Variants in CHRNE observed in about 807,000 individuals in gnomAD.
CHRNE encodes cholinergic receptor nicotinic epsilon subunit, also known as acetylcholine receptor subunit epsilon.
A neutral mutation model predicts 56.5 loss-of-function variants in CHRNE; 58 were observed. That is an observed-to-expected ratio of 1.03 (90% CI 0.83 to 1.28). CHRNE has a LOEUF of 1.28. Ranked by LOEUF, CHRNE falls within the 50% of genes most tolerant of loss-of-function variation. The pLI, the probability that CHRNE is intolerant of heterozygous loss-of-function variation, is 0.00. For missense variants in CHRNE, 793 were observed against 688.9 expected (o/e 1.15, Z -1.69); for synonymous variants, 385 against 297.9 (o/e 1.29, Z -3.01).
chr17:4,898,919 A>G lies in CHRNE; in HGVS notation c.1327-28T>C, dbSNP rs1325459508. On this transcript the variant is annotated intron_variant, in intron 11 of 11. Transcript: ENST00000649488. ...GGGGAAGGGTCGGCACAGTCAGTAA[A>G]GAGGCAGCTGCAGGAGCCAGCGGCA... The G allele has an allele frequency of 1.9e-6, 3 of 1,569,068 alleles. No homozygotes were observed. In the African/African-American group the frequency reaches 4.0e-5, roughly 21 times the overall value.
At chr17:4,899,703 C>A in intron 8 of CHRNE, 121 bp from the exon 9 acceptor site, 1 of 1,492,528 alleles carries the variant, frequency 6.7e-7, no homozygotes. Context: ...CAGCTGCGCC[C>A]CCTACACGAC....
Position 4,902,080 on chromosome 17 carries a change from C to T in CHRNE, c.352G>A (p.Gly118Ser), listed in dbSNP as rs1368224286. 6.2e-7 allele frequency: 1 copy of T among 1,614,038 alleles called. No individual in the cohort carries two copies. The highest frequency in any genetic ancestry group is 8.5e-7 in the Non-Finnish European group (1 of 1,180,012). Reference sequence around the variant, plus strand: ...GCGTCGTAGGCCACTCCGAACTGGCCATCAATACTGTGGGCTCGGGGAAAC... The same window carrying T: ...GCGTCGTAGGCCACTCCGAACTGGCTATCAATACTGTGGGCTCGGGGAAAC... ...PEIVLENNID[G>S]QFGVAYDANV... Residue 118 changes from glycine to serine, a missense_variant, in exon 5 of 12, where the codon GGC becomes AGC. By Grantham distance (56) the Gly-to-Ser change is moderately conservative (BLOSUM62 0). Transcript: ENST00000649488. The surrounding 1 kb of genome is among the most constrained non-coding windows in gnomAD (Gnocchi z 4.0).
At position 4,898,720 on chromosome 17, in the gene CHRNE, T is replaced by G; in HGVS notation, c.*16A>C. ...TTTCCTACTGGAGATGGGTGGGAAA[T>G]TGAAGTCGGTGCGAGCTAAGGCTGG... On this transcript the variant is annotated 3_prime_UTR_variant, in exon 12 of 12. Coordinates refer to ENST00000649488, the MANE Select transcript of CHRNE (RefSeq NM_000080.4). The G allele has an allele frequency of 6.2e-7, 1 of 1,606,718 alleles. No individual in the cohort carries two copies. Among genetic ancestry groups the G allele is most frequent in the Non-Finnish European group, 8.5e-7 (1 of 1,177,156 alleles).
At chr17:4,899,624 A>G in intron 8 of CHRNE, 42 bp from the exon 9 acceptor site, 1 of 1,497,962 alleles carries the variant, frequency 6.7e-7, no homozygotes, top group Non-Finnish European at 9.1e-7. Context: ...TCCTCCTCCC[A>G]GCTACCGAAG....
In CHRNE at chr17:4,899,342, G is replaced by A. The variant is rs773187552; in HGVS notation, c.1075C>T (p.Pro359Ser). The A allele has an allele frequency of 1.8e-5, 28 of 1,544,976 alleles. No individual in the cohort carries two copies. Among genetic ancestry groups the A allele is most frequent in the Admixed American group, 1.2e-4 (6 of 50,620 alleles). Residue 359 changes from proline (P) to serine (S), a missense_variant, in exon 10 of 12, where the codon CCG (proline) becomes TCG (serine). Transcript: ENST00000649488. ...LLPRLLGSPP[P>S]PEAPRAASPP... Reference sequence around the variant, plus strand: ...GAGGCGGCCCGGGGGGCCTCGGGCGGCGGCGGGGAGCCCAGGAGGCGCGGC... The same window carrying A: ...GAGGCGGCCCGGGGGGCCTCGGGCGACGGCGGGGAGCCCAGGAGGCGCGGC...
At position 4,901,523 on chromosome 17, in the gene CHRNE, AC is replaced by A; in HGVS notation, c.601+1del. On this transcript the variant is annotated splice_donor_variant, in intron 6 of 11. Transcript: ENST00000649488. LOFTEE classifies it high-confidence loss of function. ...GTTTTTCTGAGCAGGCAGGGGCTTCACCAGTATAGGCCTCTGTGTCGATGTC... is the reference window on the plus strand; with the variant it reads ...GTTTTTCTGAGCAGGCAGGGGCTTCACAGTATAGGCCTCTGTGTCGATGTC... 1.2e-6 allele frequency: 2 copies of A among 1,613,900 alleles called. No homozygotes were observed. Among genetic ancestry groups the A allele is most frequent in the Non-Finnish European group, 1.7e-6 (2 of 1,179,792 alleles).
chr17:4,900,958 G>A (rs1597619045), intron 7 of CHRNE, 32 bp downstream of exon 7: 1 of 1,613,998 alleles, frequency 6.2e-7, no homozygotes, highest in East Asian at 2.2e-5. Flanking sequence ...AGCGAGCCCG[G>A]GTTTGGGGGT....
upstream of CHRNE, among the ~76,000 whole-genome samples, chr17:4,904,946 CTT>C (rs1970073044): frequency 6.6e-6 from 1 of 152,366 alleles, no homozygotes; most frequent in South Asian, 2.1e-4. Flanking sequence ...CAGCTTACCT[CTT>C]TGCATGTGGC....
upstream of CHRNE, among the ~76,000 whole-genome samples, chr17:4,903,841 T>A (rs532067891): frequency 1.3e-5 from 2 of 151,950 alleles, no homozygotes; most frequent in Non-Finnish European, 2.9e-5. Flanking sequence ...CCTTAATAGA[T>A]CCTTTTGATG....
rs773916039 is a variant in CHRNE at position 4,901,160 on chromosome 17, G to A, written c.632C>T (p.Pro211Leu). The A allele has an allele frequency of 3.7e-6, 6 of 1,609,076 alleles. No homozygotes were observed. In the South Asian group the frequency reaches 5.5e-5, roughly 15 times the overall value. The change falls in exon 7 of 12, where the codon CCG becomes CTG. Residue 211 changes from proline to leucine, a missense_variant. Pro to Leu is a moderately conservative substitution (Grantham distance 98). Coordinates refer to ENST00000649488, the MANE Select transcript of CHRNE (RefSeq NM_000080.4). ...ENGEWAIDFC[P>L]GVIRRHHGGA... The stretch of plus-strand genomic sequence containing the variant: ...ACCGTGGTGGCGGCGGATCACCCCC[G>A]GGCAGAAGTCGATGGCCCACTCGCC...
rs1416190592 is a variant in CHRNE at position 4,901,882 on chromosome 17, AG to A, written c.500+49del. ...GCTTCCCGGTTGGCCCCGCCCCATA[AG>A]GCCCCCCCCCAACAATAATCGTCCG... On this transcript the variant is annotated intron_variant, in intron 5 of 11. Coordinates refer to ENST00000649488, the MANE Select transcript of CHRNE (RefSeq NM_000080.4). 4.0e-6 allele frequency: 6 copies of A among 1,483,920 alleles called. No homozygotes were observed. The Admixed American group carries it at 1.0e-4, about 25-fold the overall frequency. 91.9% of individuals were successfully genotyped at this position (1,483,920 alleles called of 1,614,324 possible).
intron 7 of CHRNE, 27 bp from the exon 8 acceptor site, chr17:4,900,934 C>T (rs1244681035): frequency 1.2e-5 from 20 of 1,614,040 alleles, no homozygotes; most frequent in East Asian, 2.2e-5. Context: ...TGAGAGCGGG[C>T]CCCGCCTCCC....
At chr17:4,901,285 G>T in intron 6 of CHRNE, 95 bp from the exon 7 acceptor site, 1 of 1,401,836 alleles carries the variant, frequency 7.1e-7, no homozygotes, top group Non-Finnish European at 9.9e-7. Flanking sequence ...TCTGCACCAG[G>T]GTCATGGGCC....
Position 4,901,923 on chromosome 17 carries a change from T to A in CHRNE, c.500+9A>T, listed in dbSNP as rs774299652. On this transcript the variant is annotated intron_variant, in intron 5 of 11. Coordinates refer to ENST00000649488, the MANE Select transcript of CHRNE (RefSeq NM_000080.4). ...ATAATCGTCCGGGCCTCGGAGTAGCTCTTCCCACCGGAAAATAAGCGAACA... is the reference window on the plus strand; with the variant it reads ...ATAATCGTCCGGGCCTCGGAGTAGCACTTCCCACCGGAAAATAAGCGAACA... 9 of 1,434,104 alleles carry A rather than the reference T, an allele frequency of 6.3e-6. No individual in the cohort carries two copies. Among genetic ancestry groups the A allele is most frequent in the Non-Finnish European group, 8.5e-6 (9 of 1,060,664 alleles). 88.8% of individuals were successfully genotyped at this position (1,434,104 alleles called of 1,614,324 possible).
chr17:4,901,754 G>C, intron 5 of CHRNE, 129 bp from the exon 6 acceptor site: 1 of 1,233,016 alleles, frequency 8.1e-7, no homozygotes, highest in Non-Finnish European at 1.2e-6. Flanking sequence ...AGCCCAGCCC[G>C]CACGCCTCTG....
At position 4,902,267 on chromosome 17, in the gene CHRNE, C is replaced by G. The variant is rs776006666; in HGVS notation, c.294G>C (p.Leu98=). 6.2e-7 allele frequency: 1 copy of G among 1,614,160 alleles called. No homozygotes were observed. The highest frequency in any genetic ancestry group is 2.2e-5 in the East Asian group (1 of 44,862). ...SKDDFGGIET[L]RVPSELVWLP... Reference sequence around the variant, plus strand: ...GCCACACGAGTTCTGAAGGGACTCGCAGGGTTTCTATACCCCCAAAGTCGT... The same window carrying G: ...GCCACACGAGTTCTGAAGGGACTCGGAGGGTTTCTATACCCCCAAAGTCGT... Residue 98 remains leucine (L), a synonymous_variant, in exon 4 of 12, where the codon CTG becomes CTC. Coordinates refer to ENST00000649488, the MANE Select transcript of CHRNE (RefSeq NM_000080.4). This position sits in a 1 kb window ranked among gnomAD's most constrained non-coding sequence, Gnocchi z 4.0.
upstream of CHRNE, among the ~76,000 whole-genome samples, chr17:4,904,863 G>T (rs1248813976): frequency 6.6e-6 from 1 of 152,170 alleles, no homozygotes; most frequent in Non-Finnish European, 1.5e-5. Context: ...CTTGTGTAAA[G>T]CCTCTGTTTC....
intron 8 of CHRNE, chr17:4,900,124 CTTCGGCACCACCT>C: frequency 1.3e-6 from 2 of 1,550,606 alleles, no homozygotes; most frequent in Non-Finnish European, 1.7e-6. Flanking sequence ...GCCTCGTGAG[CTTCGGCACCACCT>C]TGTTAGAGGT....
chr17:4,904,019 G>A (rs552533931), upstream of CHRNE, among the ~76,000 whole-genome samples: 15 of 152,140 alleles, frequency 9.9e-5, no homozygotes, highest in South Asian at 2.9e-3. Flanking sequence ...CACCATGCCC[G>A]GCTAATTTTT....
Sources: gnomAD v4.1 joint callset for allele counts (sites outside exome capture counted in the v4.1 genomes callset) on GRCh38, gnomAD v4.1.1 for gene constraint, Gnocchi (gnomAD v3.1) non-coding constraint, MANE v1.5 for transcripts, NCBI Gene and HGNC (gene_info 2026-07-23, HGNC 2026-07-21) for gene names.